The following DTNB variants were observed in gnomAD, a reference collection of about 807,000 sequenced individuals.
DTNB encodes the protein dystrobrevin beta, also known as DTN-B.
A neutral mutation model predicts 90.7 loss-of-function variants in DTNB; 63 were observed. The observed-to-expected ratio is 0.69, with a 90% confidence interval of 0.57 to 0.86. The LOEUF (loss-of-function observed/expected upper bound fraction) is 0.86, where lower values mean the gene tolerates loss of function less well. Ranked by LOEUF, DTNB falls within the 40% of genes least tolerant of loss-of-function variation. The pLI, the probability that DTNB is intolerant of heterozygous loss-of-function variation, is 0.00. For missense variants in DTNB, 744 were observed against 807.1 expected (o/e 0.92, Z 0.95); for synonymous variants, 277 against 286.7 (o/e 0.97, Z 0.34).
At chr2:25,595,332 C>G (rs1471956610) in intron 6 of DTNB, 2 of 152,128 alleles carry the variant, frequency 1.3e-5, no homozygotes, top group African/African-American at 4.8e-5. Context: ...TGGGGAGATA[C>G]TTTTAGAATA....
At chr2:25,640,713 C>G (rs1573898660) in intron 2 of DTNB, among the ~76,000 whole-genome samples, 1 of 151,982 alleles carries the variant, frequency 6.6e-6, no homozygotes, top group East Asian at 1.9e-4. Context: ...AGTTTAAAAC[C>G]AGCCTTTTTT....
At chr2:25,452,639 G>A (rs2059447113) in intron 11 of DTNB, among the ~76,000 whole-genome samples, 1 of 151,992 alleles carries the variant, frequency 6.6e-6, no homozygotes, top group Non-Finnish European at 1.5e-5. Flanking sequence ...ACTCATCGAA[G>A]TTTGTTATAA....
chr2:25,486,921 T>C (rs1244209406), intron 9 of DTNB, among the ~76,000 whole-genome samples: 1 of 152,224 alleles, frequency 6.6e-6, no homozygotes, highest in African/African-American at 2.4e-5. Context: ...AGTTTCATGA[T>C]ACTGAAATGG....
At chr2:25,482,985 C>A in intron 9 of DTNB, 112 bp from the exon 10 acceptor site, 1 of 1,087,830 alleles carries the variant, frequency 9.2e-7, no homozygotes, top group Non-Finnish European at 1.2e-6. Flanking sequence ...GCGGTAAGCA[C>A]AGACGGACCC....
At chr2:25,594,903 T>C (rs2064276088) in intron 6 of DTNB, 2 of 152,244 alleles carry the variant, frequency 1.3e-5, no homozygotes, top group South Asian at 4.1e-4. Flanking sequence ...GTCTATAAAC[T>C]TTATTCAGAT....
intron 2 of DTNB, among the ~76,000 whole-genome samples, chr2:25,652,355 T>C (rs181395049): frequency 6.6e-6 from 1 of 152,228 alleles, no homozygotes; most frequent in Admixed American, 6.5e-5. Flanking sequence ...ATCACAGACA[T>C]TCTAGGTAAC....
Position 25,596,168 on chromosome 2 carries a change from A to C in DTNB, c.521T>G (p.Val174Gly). 6.2e-7 allele frequency: 1 copy of C among 1,613,712 alleles called. No individual in the cohort carries two copies. Among genetic ancestry groups the C allele is most frequent in the South Asian group, 1.1e-5 (1 of 91,050 alleles). ...AAAGACAGCTGTTGGGAGCTTCAGA[A>C]CTTCCTTCAGAAACTGGTCAAACTT... ...FSKFDQFLKE[V>G]LKLPTAVFEG... Residue 174 changes from valine (V) to glycine (G), a missense_variant, in exon 6 of 21, where the codon GTT becomes GGT. Physicochemically the swap from Val to Gly is moderately radical, Grantham distance 109. Transcript: ENST00000406818.
intron 9 of DTNB, among the ~76,000 whole-genome samples, chr2:25,526,366 T>TAA (rs1558883502): frequency 5.2e-5 from 4 of 76,764 alleles, no homozygotes; most frequent in East Asian, 3.9e-4. Flanking sequence ...TATATAAATA[T>TAA]ATATATATAT....
chr2:25,426,024 C>T (rs1320563677), intron 15 of DTNB, among the ~76,000 whole-genome samples: 2 of 152,178 alleles, frequency 1.3e-5, no homozygotes, highest in Non-Finnish European at 2.9e-5. Flanking sequence ...GCTATGATCA[C>T]GCCACAAGAT....
intron 19 of DTNB, among the ~76,000 whole-genome samples, chr2:25,380,094 C>T (rs763943201): frequency 1.3e-5 from 2 of 152,154 alleles, no homozygotes; most frequent in South Asian, 4.2e-4. Flanking sequence ...GTGAATATGG[C>T]AGGGAAGTTC....
intron 4 of DTNB, among the ~76,000 whole-genome samples, chr2:25,619,680 G>T (rs1456633254): frequency 1.3e-5 from 2 of 152,088 alleles, no homozygotes. Context: ...ATATAAACAA[G>T]AACTGTAAGT....
chr2:25,558,500 G>A (rs1180988230), intron 8 of DTNB: 6 of 709,870 alleles, frequency 8.5e-6, no homozygotes, highest in Non-Finnish European at 8.6e-6. Flanking sequence ...GAACTGCTTG[G>A]TTTAAGCTAA....
intron 16 of DTNB, among the ~76,000 whole-genome samples, chr2:25,399,012 G>T (rs979901192): frequency 6.6e-6 from 1 of 152,156 alleles, no homozygotes; most frequent in Non-Finnish European, 1.5e-5. Flanking sequence ...TGCTGGAGCA[G>T]GTAGTAATCT....
chr2:25,645,255 C>T (rs913201222), intron 2 of DTNB, among the ~76,000 whole-genome samples: 48 of 150,736 alleles, frequency 3.2e-4, no homozygotes, highest in African/African-American at 1.0e-3. Context: ...TGGTGGTGCA[C>T]GCCTGTAATC....
chr2:25,482,865 C>A lies in DTNB; in HGVS notation c.1010G>T (p.Arg337Leu). 2 of 1,598,770 alleles carry A rather than the reference C, an allele frequency of 1.3e-6. No individual in the cohort carries two copies. The highest frequency in any genetic ancestry group is 1.7e-6 in the Non-Finnish European group (2 of 1,174,514). ...GGTGTCATTCATATTAGTCAGAGGG[C>A]GAGGAGGACTGAAAGAAAAGACATT... is the stretch of plus-strand genomic sequence containing the variant. ...PLDLAHIVPP[R>L]PLTNMNDTMV... is the part of the protein sequence containing the mutation. Residue 337 changes from arginine (R) to leucine (L), a missense_variant, in exon 10 of 21, where the codon CGC becomes CTC. Coordinates refer to ENST00000406818, the MANE Select transcript of DTNB (RefSeq NM_021907.5).
At chr2:25,622,202 G>A (rs528038170) in intron 4 of DTNB, among the ~76,000 whole-genome samples, 7 of 152,302 alleles carry the variant, frequency 4.6e-5, no homozygotes, top group Non-Finnish European at 8.8e-5. Flanking sequence ...CAATCTGGCC[G>A]GGTGCAGTGG....
chr2:25,560,162 T>TA (rs766816018), intron 8 of DTNB, among the ~76,000 whole-genome samples: 7 of 152,358 alleles, frequency 4.6e-5, no homozygotes, highest in Non-Finnish European at 8.8e-5. Flanking sequence ...GGCAAGAGAA[T>TA]AGCTTGAACC....
chr2:25,590,795 C>A (rs1328763122), intron 6 of DTNB, among the ~76,000 whole-genome samples: 2 of 152,188 alleles, frequency 1.3e-5, no homozygotes, highest in Non-Finnish European at 2.9e-5. Flanking sequence ...ATGGGACTAG[C>A]AGCCCGACCC....
At chr2:25,434,589 G>A (rs2055067045) in intron 12 of DTNB, among the ~76,000 whole-genome samples, 1 of 151,568 alleles carries the variant, frequency 6.6e-6, no homozygotes, top group Non-Finnish European at 1.5e-5. Context: ...TTTTATTGCT[G>A]TATAGTATTC....
Sources: allele counts gnomAD v4.1 joint callset (sites outside exome capture counted in the v4.1 genomes callset), GRCh38; gene constraint gnomAD v4.1.1; transcripts MANE v1.5; gene names NCBI Gene and HGNC (gene_info 2026-07-23, HGNC 2026-07-21).